LRRC8C: variants seen among roughly 807,000 people sequenced by gnomAD.
LRRC8C encodes the protein volume-regulated anion channel subunit LRRC8C.
Under a neutral mutation model 55.3 loss-of-function variants are expected in LRRC8C, and 20 were observed. The observed-to-expected ratio is 0.36, with a 90% confidence interval of 0.25 to 0.53. LRRC8C has a LOEUF of 0.53. Among genes scored for constraint, LRRC8C ranks in the 20% least tolerant of loss-of-function variants. LRRC8C has a pLI of 0.92. For missense variants in LRRC8C, 659 were observed against 951.4 expected (o/e 0.69, Z 4.04); for synonymous variants, 376 against 360.7 (o/e 1.04, Z -0.48).
At chr1:89,638,272 G>A (rs1332129018) in intron 1 of LRRC8C, among the ~76,000 whole-genome samples, 2 of 152,200 alleles carry the variant, frequency 1.3e-5, no homozygotes, top group Non-Finnish European at 2.9e-5. Flanking sequence ...GGAAACACTA[G>A]AGAGAACACA....
intron 1 of LRRC8C, among the ~76,000 whole-genome samples, chr1:89,648,479 T>C (rs1656673053): frequency 6.6e-6 from 1 of 152,176 alleles, no homozygotes. Context: ...GAGACAAATA[T>C]AAGGAAGTTA....
Position 89,713,476 on chromosome 1 carries a change from A to T in LRRC8C, c.906A>T (p.Gly302=), listed in dbSNP as rs1557670904. ...ATGTGGACATTCAGGACATGACTGG[A>T]TATAAAAACTTTTCTTGCAATCATA... The part of the protein sequence containing the change: ...DCNVDIQDMT[G]YKNFSCNHTM... The change falls in exon 3 of 3, where the codon GGA becomes GGT. Residue 302 remains glycine (G), a synonymous_variant. Coordinates refer to ENST00000370454, the MANE Select transcript of LRRC8C (RefSeq NM_032270.5). This position sits in a 1 kb window ranked among gnomAD's most constrained non-coding sequence, Gnocchi z 5.2. The T allele has an allele frequency of 1.2e-6, 2 of 1,614,156 alleles. No homozygotes were observed. The highest frequency in any genetic ancestry group is 8.5e-7 in the Non-Finnish European group (1 of 1,180,036).
At chr1:89,618,143 A>G in the LRRC8C span, among the ~76,000 whole-genome samples, 1 of 152,264 alleles carries the variant, frequency 6.6e-6, no homozygotes, top group East Asian at 1.9e-4. Flanking sequence ...AAGCTGGCCC[A>G]AAGTTTGAGC....
intron 1 of LRRC8C, among the ~76,000 whole-genome samples, chr1:89,685,385 G>A (rs1426403111): frequency 1.3e-5 from 2 of 151,800 alleles, no homozygotes; most frequent in Non-Finnish European, 1.5e-5. Flanking sequence ...AAAGTGCTGG[G>A]ATTACAGGCG....
the LRRC8C span, among the ~76,000 whole-genome samples, chr1:89,621,344 C>A: frequency 6.6e-6 from 1 of 151,582 alleles, no homozygotes; most frequent in East Asian, 1.9e-4. Context: ...TGGCAGGCGC[C>A]TGTAGTCCCA....
intron 2 of LRRC8C, among the ~76,000 whole-genome samples, chr1:89,690,027 T>C (rs1657986804): frequency 1.3e-5 from 2 of 152,058 alleles, no homozygotes; most frequent in Non-Finnish European, 2.9e-5. Flanking sequence ...GTTAGGTTTG[T>C]GATATATGTT....
Position 89,716,996 on chromosome 1 carries a change from G to A in LRRC8C, c.*2014G>A, listed in dbSNP as rs1658841506. On this transcript the variant is annotated 3_prime_UTR_variant, in exon 3 of 3. Transcript: ENST00000370454. ...CTCTATGTTAATGTTTTAGAATGGT[G>A]ATTTTGCTGATTAATTTAGACCTGG... 6.6e-6 allele frequency: 1 copy of A among 151,912 alleles called. No homozygotes were observed. Among genetic ancestry groups the A allele is most frequent in the African/African-American group, 2.4e-5 (1 of 41,412 alleles). The allele number at this position is 151,912 out of a possible 1,614,324, so 9.4% of individuals were successfully genotyped here.
chr1:89,662,776 TGTGTTTTCAGCCCCCGCCATGGGGTAGA>T (rs1357097095), intron 1 of LRRC8C, among the ~76,000 whole-genome samples: 2 of 152,126 alleles, frequency 1.3e-5, no homozygotes, highest in Non-Finnish European at 2.9e-5. Context: ...AATTTAGTAT[TGTGTTTTCAGCCCCCGCCATGGGGTAGA>T]TATTATTTTC....
intron 1 of LRRC8C, among the ~76,000 whole-genome samples, chr1:89,678,211 C>G (rs1376258339): frequency 6.6e-6 from 1 of 152,220 alleles, no homozygotes; most frequent in African/African-American, 2.4e-5. Flanking sequence ...ATTGCAAAAG[C>G]AATTATATCC....
intron 2 of LRRC8C, among the ~76,000 whole-genome samples, chr1:89,706,570 G>A (rs899938000): frequency 6.6e-6 from 1 of 152,016 alleles, no homozygotes; most frequent in Non-Finnish European, 1.5e-5. Flanking sequence ...CTATTAAAAG[G>A]CCCGAATTTC....
At chr1:89,712,432 A>G (rs1473519772) in intron 2 of LRRC8C, among the ~76,000 whole-genome samples, 2 of 152,216 alleles carry the variant, frequency 1.3e-5, no homozygotes. Context: ...TTAAAAATAC[A>G]TGAATGTTCC....
the LRRC8C span, among the ~76,000 whole-genome samples, chr1:89,621,235 C>T: frequency 6.7e-6 from 1 of 149,290 alleles, no homozygotes; most frequent in Admixed American, 6.7e-5. Context: ...CCAAGGCGGG[C>T]AGATCATGAG....
At chr1:89,621,563 G>C in the LRRC8C span, among the ~76,000 whole-genome samples, 1 of 152,168 alleles carries the variant, frequency 6.6e-6, no homozygotes, top group African/African-American at 2.4e-5. Context: ...CTGCCAGTCT[G>C]ATCTGAGGAA....
intron 1 of LRRC8C, among the ~76,000 whole-genome samples, chr1:89,684,531 A>G (rs1657816365): frequency 6.6e-6 from 1 of 152,204 alleles, no homozygotes; most frequent in Non-Finnish European, 1.5e-5. Context: ...GTAAGACAGT[A>G]CCTTCTGAAG....
chr1:89,626,536 G>A, the LRRC8C span: 2 of 152,104 alleles, frequency 1.3e-5, no homozygotes, highest in Non-Finnish European at 2.9e-5. Flanking sequence ...ACAAATCAAA[G>A]GTTCCCATAA....
intron 1 of LRRC8C, among the ~76,000 whole-genome samples, chr1:89,671,817 G>T (rs548487968): frequency 6.6e-6 from 1 of 152,244 alleles, no homozygotes; most frequent in South Asian, 2.1e-4. Flanking sequence ...ACAGCCACAT[G>T]CAAGGTGAAG....
At chr1:89,687,028 T>G (rs775097307) in intron 2 of LRRC8C, among the ~76,000 whole-genome samples, 3 of 152,226 alleles carry the variant, frequency 2.0e-5, no homozygotes, top group Non-Finnish European at 4.4e-5. Flanking sequence ...TTTGATGAGA[T>G]ATCATTATTT....
intron 1 of LRRC8C, among the ~76,000 whole-genome samples, chr1:89,641,171 G>T (rs1167283340): frequency 6.6e-6 from 1 of 152,160 alleles, no homozygotes; most frequent in Non-Finnish European, 1.5e-5. Context: ...TTCCTAAGGG[G>T]ATGGAAATGC....
At chr1:89,711,617 C>G (rs1390911409) in intron 2 of LRRC8C, among the ~76,000 whole-genome samples, 1 of 152,196 alleles carries the variant, frequency 6.6e-6, no homozygotes, top group Non-Finnish European at 1.5e-5. Flanking sequence ...TAGGTTTATT[C>G]AATGTGTATT....
Sources: gnomAD v4.1 joint callset for allele counts (sites outside exome capture counted in the v4.1 genomes callset) on GRCh38, gnomAD v4.1.1 for gene constraint, Gnocchi (gnomAD v3.1) non-coding constraint, MANE v1.5 for transcripts, NCBI Gene and HGNC (gene_info 2026-07-23, HGNC 2026-07-21) for gene names.